KIF16B: variants seen among roughly 807,000 people sequenced by gnomAD.
The protein encoded by KIF16B is kinesin family member 16B, also known as kinesin-like protein KIF16B.
KIF16B carries 98 observed loss-of-function variants against 156.3 expected under a neutral mutation model. The observed-to-expected ratio is 0.63, with a 90% CI of 0.53 to 0.74. The LOEUF (loss-of-function observed/expected upper bound fraction) is 0.74, where lower values mean the gene tolerates loss of function less well. Among genes scored for constraint, KIF16B ranks in the 30% least tolerant of loss-of-function variants. KIF16B has a pLI of 0.00. For synonymous variants in KIF16B, 564 were observed against 583.7 expected (o/e 0.97, Z 0.49); for missense variants, 1,421 against 1,606.5 (o/e 0.88, Z 1.97).
chr20:16,566,343 T>C (rs1000694886), intron 1 of KIF16B, among the ~76,000 whole-genome samples: 14 of 152,320 alleles, frequency 9.2e-5, no homozygotes, highest in African/African-American at 3.4e-4. Flanking sequence ...AGGGAGATAA[T>C]AATGCATAAA....
At chr20:16,455,131 G>T (rs973245258) in intron 12 of KIF16B, among the ~76,000 whole-genome samples, 1 of 152,098 alleles carries the variant, frequency 6.6e-6, no homozygotes, top group African/African-American at 2.4e-5. Flanking sequence ...AATCAAAGGA[G>T]AAAAAGCCAA....
intron 12 of KIF16B, among the ~76,000 whole-genome samples, chr20:16,448,195 C>T (rs1186522402): frequency 6.6e-6 from 1 of 152,128 alleles, no homozygotes; most frequent in Non-Finnish European, 1.5e-5. Context: ...GAGGAACAGG[C>T]CATTGCACAC....
chr20:16,417,512 T>G (rs2066120550), intron 15 of KIF16B, among the ~76,000 whole-genome samples: 1 of 152,142 alleles, frequency 6.6e-6, no homozygotes, highest in South Asian at 2.1e-4. Flanking sequence ...ATATCCAAAA[T>G]GTCTATGACA....
chr20:16,567,555 G>A (rs921243913), intron 1 of KIF16B, among the ~76,000 whole-genome samples: 7 of 152,306 alleles, frequency 4.6e-5, no homozygotes, highest in South Asian at 2.1e-4. Context: ...GAAGGGAACC[G>A]AAGCAGCTGG....
chr20:16,331,897 G>A (rs2063954602), intron 24 of KIF16B, among the ~76,000 whole-genome samples: 1 of 152,124 alleles, frequency 6.6e-6, no homozygotes, highest in Non-Finnish European at 1.5e-5. Context: ...AATAATAATT[G>A]ACAAATACGT....
intron 15 of KIF16B, among the ~76,000 whole-genome samples, chr20:16,412,603 C>T (rs550005237): frequency 2.5e-4 from 38 of 152,056 alleles, no homozygotes; most frequent in Non-Finnish European, 5.3e-4. Flanking sequence ...CAAGAAGTGC[C>T]GCATAAAAAT....
At chr20:16,546,424 G>A (rs1041981658) in intron 1 of KIF16B, among the ~76,000 whole-genome samples, 4 of 152,120 alleles carry the variant, frequency 2.6e-5, no homozygotes, top group Admixed American at 6.5e-5. Context: ...AATGTTTACC[G>A]TGTCTCTACT....
intron 24 of KIF16B, among the ~76,000 whole-genome samples, chr20:16,331,341 G>A (rs1200976825): frequency 2.0e-5 from 3 of 152,128 alleles, no homozygotes; most frequent in South Asian, 4.1e-4. Context: ...AGGAGACCAC[G>A]GCTAAACTCC....
At chr20:16,313,150 T>C (rs2063646492) in intron 24 of KIF16B, among the ~76,000 whole-genome samples, 1 of 152,228 alleles carries the variant, frequency 6.6e-6, no homozygotes, top group South Asian at 2.1e-4. Flanking sequence ...AACTAGCCAG[T>C]GTTGCCTTGG....
At chr20:16,350,611 T>G (rs903521512) in intron 23 of KIF16B, among the ~76,000 whole-genome samples, 16 of 151,564 alleles carry the variant, frequency 1.1e-4, no homozygotes, top group Admixed American at 9.2e-4. Flanking sequence ...AAGCTCGACT[T>G]GCCCACACTC....
At chr20:16,283,555 A>G (rs909794656) in intron 25 of KIF16B, among the ~76,000 whole-genome samples, 2 of 152,310 alleles carry the variant, frequency 1.3e-5, no homozygotes, top group African/African-American at 4.8e-5. Flanking sequence ...CCAGGTCTCC[A>G]TGGATCACAG....
chr20:16,515,306 T>C (rs979124007), intron 4 of KIF16B, among the ~76,000 whole-genome samples: 3 of 152,172 alleles, frequency 2.0e-5, no homozygotes, highest in Non-Finnish European at 4.4e-5. Context: ...TATAAGGCCT[T>C]TAAAAACAGA....
At chr20:16,376,047 G>A (rs1238841489) in intron 19 of KIF16B, among the ~76,000 whole-genome samples, 1 of 152,188 alleles carries the variant, frequency 6.6e-6, no homozygotes, top group African/African-American at 2.4e-5. Flanking sequence ...TTCCTCATGT[G>A]TAAACTGTAG....
intron 25 of KIF16B, among the ~76,000 whole-genome samples, chr20:16,291,163 C>T (rs180830326): frequency 1.2e-4 from 18 of 152,278 alleles, no homozygotes; most frequent in African/African-American, 4.1e-4. Context: ...GGTTTTCTTT[C>T]CCTAGGACCT....
At chr20:16,474,663 A>G (rs2067759979) in intron 12 of KIF16B, among the ~76,000 whole-genome samples, 1 of 152,166 alleles carries the variant, frequency 6.6e-6, no homozygotes, top group Non-Finnish European at 1.5e-5. Context: ...TTTCCTGACA[A>G]ATTTTAGATG....
chr20:16,497,635 T>G lies in KIF16B; in HGVS notation c.1220A>C (p.Lys407Thr). The G allele has an allele frequency of 6.2e-7, 1 of 1,611,716 alleles. No individual in the cohort carries two copies. Among genetic ancestry groups the G allele is most frequent in the Non-Finnish European group, 8.5e-7 (1 of 1,178,022 alleles). ...DSPTALSMEE[K>T]LQQNEARVQE... ...TACTCTTGCTTCATTCTGCTGAAGT[T>G]TTTCCTCCATACTTAAAGCTGTGGG... is the stretch of plus-strand genomic sequence containing the variant. Residue 407 changes from lysine to threonine, a missense_variant, in exon 11 of 26, where the codon AAA (lysine) becomes ACA (threonine). Transcript: ENST00000354981.
intron 17 of KIF16B, among the ~76,000 whole-genome samples, chr20:16,401,876 T>A (rs2065665119): frequency 6.6e-6 from 1 of 152,260 alleles, no homozygotes; most frequent in Admixed American, 6.5e-5. Context: ...CTTCTGCTTC[T>A]ATGCCACATT....
intron 10 of KIF16B, among the ~76,000 whole-genome samples, chr20:16,498,952 C>T (rs750503305): frequency 1.3e-5 from 2 of 151,852 alleles, no homozygotes; most frequent in Non-Finnish European, 2.9e-5. Context: ...TGAAGACTAC[C>T]ATGGGCCACA....
intron 12 of KIF16B, among the ~76,000 whole-genome samples, chr20:16,489,333 G>C (rs897589393): frequency 2.6e-5 from 4 of 152,048 alleles, no homozygotes; most frequent in Admixed American, 1.3e-4. Context: ...GGCCCACAGG[G>C]GTCAGCCCAC....
Sources: allele counts gnomAD v4.1 joint callset (sites outside exome capture counted in the v4.1 genomes callset), GRCh38; gene constraint gnomAD v4.1.1; transcripts MANE v1.5; gene names NCBI Gene and HGNC (gene_info 2026-07-23, HGNC 2026-07-21).